The following CMTM8 variants were observed in gnomAD, a reference collection of about 807,000 sequenced individuals.
The protein encoded by CMTM8 is CKLF-like MARVEL transmembrane domain-containing protein 8.
In CMTM8, 12 loss-of-function variants were observed where a neutral mutation model predicts 18.6. The observed-to-expected ratio is 0.65, with a 90% CI of 0.41 to 1.05. CMTM8 has a LOEUF of 1.05. CMTM8 is among the 50% of genes least tolerant of loss of function. The pLI is 0.00. For missense variants in CMTM8, 217 were observed against 227.2 expected, an observed-to-expected ratio of 0.95 and a Z score of 0.29; for synonymous variants, 87 against 90.6, an observed-to-expected ratio of 0.96 and a Z score of 0.23.
intron 1 of CMTM8, among the ~76,000 whole-genome samples, chr3:32,298,510 G>A (rs1575165546): frequency 6.9e-6 from 1 of 143,924 alleles, no homozygotes; most frequent in African/African-American, 2.6e-5. Flanking sequence ...AGCACTCTTG[G>A]TCTCTTTCCA....
chr3:32,364,226 C>T (rs532410243), intron 2 of CMTM8, among the ~76,000 whole-genome samples: 64 of 152,186 alleles, frequency 4.2e-4, no homozygotes, highest in African/African-American at 1.4e-3. Context: ...AAAATTAGGC[C>T]GGGTGCGGTG....
intron 1 of CMTM8, among the ~76,000 whole-genome samples, chr3:32,256,638 T>G (rs1254741265): frequency 6.6e-6 from 1 of 152,208 alleles, no homozygotes; most frequent in Non-Finnish European, 1.5e-5. Context: ...AAGATAATTA[T>G]AGGGAAGTTT....
At chr3:32,348,975 AC>A (rs1696653041) in intron 1 of CMTM8, among the ~76,000 whole-genome samples, 1 of 151,990 alleles carries the variant, frequency 6.6e-6, no homozygotes, top group Non-Finnish European at 1.5e-5. Flanking sequence ...AATTTAAAAA[AC>A]TATTTTTGTT....
At chr3:32,357,283 T>A (rs1344199749) in intron 1 of CMTM8, 90 bp from the exon 2 acceptor site, 1 of 960,486 alleles carries the variant, frequency 1.0e-6, no homozygotes, top group Non-Finnish European at 1.6e-6. Flanking sequence ...ACATTCTGTA[T>A]AATTATTTTT....
At chr3:32,246,386 A>G (rs1702016214) in intron 1 of CMTM8, among the ~76,000 whole-genome samples, 1 of 151,858 alleles carries the variant, frequency 6.6e-6, no homozygotes, top group South Asian at 2.1e-4. Flanking sequence ...GCGTCCCTCC[A>G]CAGAAGACAG....
At chr3:32,256,223 A>T (rs9637516) in intron 1 of CMTM8, among the ~76,000 whole-genome samples, 4 of 151,944 alleles carry the variant, frequency 2.6e-5, no homozygotes, top group East Asian at 1.9e-4. Flanking sequence ...TGCACCACCA[A>T]GCCTGGATAA....
intron 1 of CMTM8, among the ~76,000 whole-genome samples, chr3:32,297,916 A>G (rs1251684958): frequency 6.6e-6 from 1 of 151,892 alleles, no homozygotes; most frequent in Non-Finnish European, 1.5e-5. Flanking sequence ...GATAAGAATA[A>G]CATTTTAAAA....
chr3:32,302,856 C>T (rs893447847), intron 1 of CMTM8, among the ~76,000 whole-genome samples: 5 of 152,168 alleles, frequency 3.3e-5, no homozygotes, highest in South Asian at 2.1e-4. Context: ...TTTTAAGACC[C>T]ATGGCATGAA....
At chr3:32,312,856 G>C (rs142567047) in intron 1 of CMTM8, among the ~76,000 whole-genome samples, 1 of 151,700 alleles carries the variant, frequency 6.6e-6, no homozygotes, top group Non-Finnish European at 1.5e-5. Flanking sequence ...GTTGAAAGGG[G>C]CTTGTTATTA....
chr3:32,349,511 G>A (rs77260595), intron 1 of CMTM8, among the ~76,000 whole-genome samples: 12,351 of 152,026 alleles, frequency 0.081, 606 homozygotes, highest in East Asian at 0.18. Flanking sequence ...AGACTGTTTC[G>A]TTTTACCTTA....
At chr3:32,247,669 C>T (rs888400447) in intron 1 of CMTM8, among the ~76,000 whole-genome samples, 1 of 152,064 alleles carries the variant, frequency 6.6e-6, no homozygotes, top group South Asian at 2.1e-4. Context: ...CCATGTTGGC[C>T]AGGCTGGTTT....
chr3:32,288,714 A>C (rs1486873191), intron 1 of CMTM8, among the ~76,000 whole-genome samples: 1 of 152,050 alleles, frequency 6.6e-6, no homozygotes, highest in South Asian at 2.1e-4. Flanking sequence ...GTTAGCCAGG[A>C]TGTTCTCGAT....
At chr3:32,258,718 C>T (rs1427493543) in intron 1 of CMTM8, among the ~76,000 whole-genome samples, 3 of 151,924 alleles carry the variant, frequency 2.0e-5, no homozygotes, top group Non-Finnish European at 2.9e-5. Flanking sequence ...AGTTTGGTGC[C>T]CAGGCTATTC....
chr3:32,316,017 C>CTTTT (rs150112865), intron 1 of CMTM8, among the ~76,000 whole-genome samples: 4 of 65,084 alleles, frequency 6.1e-5, no homozygotes, highest in Non-Finnish European at 1.1e-4. Flanking sequence ...GTGATTCCAC[C>CTTTT]TTTTTTTTTT....
At chr3:32,281,809 A>G (rs1702614160) in intron 1 of CMTM8, among the ~76,000 whole-genome samples, 1 of 152,162 alleles carries the variant, frequency 6.6e-6, no homozygotes, top group Non-Finnish European at 1.5e-5. Context: ...GGCCACATTG[A>G]CACAGTTGAC....
In CMTM8 at chr3:32,283,941, A is replaced by C. The variant is rs1324980043; in HGVS notation, c.147+44822A>C. On this transcript the variant is annotated intron_variant, in intron 1 of 3. Coordinates refer to ENST00000307526, the MANE Select transcript of CMTM8 (RefSeq NM_178868.5). ...ATTTGAAATAGCTTTATGAGTATAC[A>C]TAAACCCACACACAAATATACACTT... Among the ~76,000 whole-genome samples, 3 of 152,246 alleles carry C rather than the reference A, an allele frequency of 2.0e-5. No individual in the cohort carries two copies. The East Asian group carries it at 5.8e-4, about 29-fold the overall frequency.
At chr3:32,304,959 C>T (rs1365339913) in intron 1 of CMTM8, among the ~76,000 whole-genome samples, 1 of 152,168 alleles carries the variant, frequency 6.6e-6, no homozygotes, top group Non-Finnish European at 1.5e-5. Flanking sequence ...AATCTTTCCC[C>T]ATAGGGTAGT....
intron 2 of CMTM8, among the ~76,000 whole-genome samples, chr3:32,360,583 C>G (rs1696903893): frequency 6.6e-6 from 1 of 152,250 alleles, no homozygotes; most frequent in Non-Finnish European, 1.5e-5. Flanking sequence ...AGCAGAATCT[C>G]TTACAGAACA....
chr3:32,289,637 C>T (rs60662145), intron 1 of CMTM8, among the ~76,000 whole-genome samples: 40,731 of 152,068 alleles, frequency 0.27, 5,999 homozygotes, highest in East Asian at 0.65. Context: ...AACAAGAAAG[C>T]CAGTCTAACT....
Sources: allele counts gnomAD v4.1 joint callset (sites outside exome capture counted in the v4.1 genomes callset), GRCh38; gene constraint gnomAD v4.1.1; transcripts MANE v1.5; gene names NCBI Gene and HGNC (gene_info 2026-07-23, HGNC 2026-07-21).